PTPRD: variants seen among roughly 807,000 people sequenced by gnomAD.
PTPRD encodes protein tyrosine phosphatase receptor type D.
PTPRD carries 34 observed loss-of-function variants against 214.5 expected under a neutral mutation model. The observed-to-expected ratio is 0.16, with a 90% confidence interval of 0.12 to 0.21. The LOEUF is 0.21. Ranked by LOEUF, PTPRD falls within the 10% of genes least tolerant of loss-of-function variation. The probability of loss-of-function intolerance (pLI) is 1.00; values close to 1 mark genes in which losing one functional copy is unlikely to be tolerated. For missense variants in PTPRD, 2,545 were observed against 2,398.7 expected, an observed-to-expected ratio of 1.06 and a Z score of -1.27; for synonymous variants, 1,128 against 845.7, an observed-to-expected ratio of 1.33 and a Z score of -5.79.
At chr9:10,104,227 G>A (rs146274805) in intron 3 of PTPRD, among the ~76,000 whole-genome samples, 1,532 of 151,826 alleles carry the variant, frequency 0.01, 26 homozygotes, top group African/African-American at 0.035. Flanking sequence ...GACAAAAAGA[G>A]TTCTGGAGAT....
At chr9:8,541,709 T>C (rs1234781791) in intron 14 of PTPRD, among the ~76,000 whole-genome samples, 1 of 152,120 alleles carries the variant, frequency 6.6e-6, no homozygotes, top group Non-Finnish European at 1.5e-5. Flanking sequence ...TCAATGTATG[T>C]TTTTCTTCAA....
chr9:9,852,310 T>C lies in PTPRD; in HGVS notation c.-367-85459A>G, dbSNP rs1599766836. 2.6e-5 allele frequency among the ~76,000 whole-genome samples: 4 copies of C among 152,206 alleles called. No homozygotes were observed. The South Asian group carries it at 8.3e-4, about 32-fold the overall frequency. Reference sequence around the variant, plus strand: ...TCAGAATTTTGAATAAAAAATTCTGTAGGCCAAGACATTGAAAAACAATTT... The same window carrying C: ...TCAGAATTTTGAATAAAAAATTCTGCAGGCCAAGACATTGAAAAACAATTT... On this transcript the variant is annotated intron_variant, in intron 5 of 45. Coordinates refer to ENST00000381196, the MANE Select transcript of PTPRD (RefSeq NM_002839.4).
chr9:8,876,517 C>G (rs917181915), intron 11 of PTPRD, among the ~76,000 whole-genome samples: 1 of 152,160 alleles, frequency 6.6e-6, no homozygotes, highest in African/African-American at 2.4e-5. Context: ...AGGGTAATCA[C>G]TTTACTACAG....
At chr9:8,723,211 A>G (rs1207234721) in intron 12 of PTPRD, among the ~76,000 whole-genome samples, 1 of 151,710 alleles carries the variant, frequency 6.6e-6, no homozygotes, top group Non-Finnish European at 1.5e-5. Flanking sequence ...AGGTCTTTAC[A>G]CTCATTCCCC....
At chr9:9,832,516 T>C (rs1233367463) in intron 5 of PTPRD, among the ~76,000 whole-genome samples, 5 of 152,034 alleles carry the variant, frequency 3.3e-5, no homozygotes, top group Non-Finnish European at 5.9e-5. Context: ...AATTAATTTA[T>C]GTGTCCTCCC....
chr9:9,503,989 T>TAATCCTTCTCATTATTCCTTTAAA (rs1259589521), intron 8 of PTPRD, among the ~76,000 whole-genome samples: 10 of 151,800 alleles, frequency 6.6e-5, no homozygotes, highest in Non-Finnish European at 1.5e-4. Context: ...AACAATTATG[T>TAATCCTTCTCATTATTCCTTTAAA]AATCCTTCTC....
intron 10 of PTPRD, among the ~76,000 whole-genome samples, chr9:9,142,714 T>G (rs1398770190): frequency 6.6e-6 from 1 of 152,216 alleles, no homozygotes; most frequent in African/African-American, 2.4e-5. Context: ...GAATTCAGAA[T>G]TTCTGACTCC....
chr9:8,339,411 T>C (rs964681700), intron 42 of PTPRD, among the ~76,000 whole-genome samples: 1 of 152,052 alleles, frequency 6.6e-6, no homozygotes, highest in African/African-American at 2.4e-5. Context: ...CAATAACACA[T>C]TGCACCACCA....
chr9:9,142,689 G>C (rs2099862416), intron 10 of PTPRD, among the ~76,000 whole-genome samples: 1 of 152,182 alleles, frequency 6.6e-6, no homozygotes, highest in Non-Finnish European at 1.5e-5. Flanking sequence ...CTATACAGTA[G>C]CAGAGGACAG....
intron 10 of PTPRD, among the ~76,000 whole-genome samples, chr9:9,042,876 A>T (rs997838062): frequency 3.9e-5 from 6 of 152,148 alleles, no homozygotes; most frequent in Admixed American, 3.3e-4. Context: ...AGGCAATGGT[A>T]GCTGCAGTAT....
intron 5 of PTPRD, among the ~76,000 whole-genome samples, chr9:9,803,164 G>A (rs2099052182): frequency 6.6e-6 from 1 of 151,052 alleles, no homozygotes; most frequent in East Asian, 1.9e-4. Context: ...CTAAATCACT[G>A]AAAATTGTGG....
rs1327408521 is a variant in PTPRD, at chr9:10,511,920, ATATATATATACGTG to A, written c.-600+100464_-600+100477del. ...TATATATACATATATATATACGTGT[ATATATATATACGTG>A]TATATATATATACGTGTGTGTATAT... On this transcript the variant is annotated intron_variant, in intron 2 of 45. Transcript: ENST00000381196. 1.8e-3 allele frequency among the ~76,000 whole-genome samples: 121 copies of A among 66,594 alleles called. 2 individuals are homozygous for A. Among genetic ancestry groups the A allele is most frequent in the Middle Eastern group, 0.01 (1 of 100 alleles). 43.7% of individuals were successfully genotyped at this position (66,594 alleles called of 152,430 possible).
intron 3 of PTPRD, among the ~76,000 whole-genome samples, chr9:10,053,518 T>C (rs1463811834): frequency 6.6e-6 from 1 of 152,080 alleles, no homozygotes; most frequent in Admixed American, 6.6e-5. Flanking sequence ...AGTGGGTAAA[T>C]ACTGGAAGCA....
intron 3 of PTPRD, among the ~76,000 whole-genome samples, chr9:10,120,459 C>T (rs1385883981): frequency 6.6e-6 from 1 of 151,942 alleles, no homozygotes; most frequent in African/African-American, 2.4e-5. Context: ...ATCATAAGAT[C>T]TCAGTCTACG....
At chr9:10,199,239 T>A (rs1287116416) in intron 3 of PTPRD, among the ~76,000 whole-genome samples, 2 of 152,124 alleles carry the variant, frequency 1.3e-5, no homozygotes, top group Non-Finnish European at 2.9e-5. Context: ...TCTAAGGCAT[T>A]CTATTTCTTA....
intron 10 of PTPRD, among the ~76,000 whole-genome samples, chr9:9,076,611 T>C (rs955309002): frequency 2.6e-5 from 4 of 152,074 alleles, no homozygotes; most frequent in African/African-American, 7.2e-5. Context: ...TCCATCTCTG[T>C]TGTTGCAAAT....
chr9:8,888,760 C>A (rs901226411), intron 11 of PTPRD, among the ~76,000 whole-genome samples: 2 of 152,152 alleles, frequency 1.3e-5, no homozygotes, highest in African/African-American at 4.8e-5. Context: ...GAGTGAGAAA[C>A]ACAATCAGGG....
intron 8 of PTPRD, among the ~76,000 whole-genome samples, chr9:9,518,996 T>C (rs1451420177): frequency 2.6e-5 from 4 of 151,990 alleles, no homozygotes; most frequent in East Asian, 1.9e-4. Context: ...CTCAAAAAAT[T>C]TTAAAGAATT....
chr9:9,809,264 A>ATTTTT (rs58701533), intron 5 of PTPRD, among the ~76,000 whole-genome samples: 1 of 118,212 alleles, frequency 8.5e-6, no homozygotes. Flanking sequence ...GCCACAAGAG[A>ATTTTT]TTTTTTTTTT....
Sources: allele counts gnomAD v4.1 joint callset (sites outside exome capture counted in the v4.1 genomes callset), GRCh38; gene constraint gnomAD v4.1.1; transcripts MANE v1.5; gene names NCBI Gene and HGNC (gene_info 2026-07-23, HGNC 2026-07-21).